The following GRB14 variants were observed in gnomAD, a reference collection of about 807,000 sequenced individuals.
GRB14 encodes growth factor receptor-bound protein 14.
GRB14 carries 38 observed loss-of-function variants against 69.1 expected under a neutral mutation model. The ratio of observed to expected loss-of-function variants is 0.55; its 90% CI spans 0.42 to 0.72. GRB14 has a LOEUF of 0.72. Ranked by LOEUF, GRB14 falls within the 30% of genes least tolerant of loss-of-function variation. GRB14 has a pLI of 0.00. For missense variants in GRB14, 666 were observed against 666.1 expected, an observed-to-expected ratio of 1.00 and a Z score of 0.00; for synonymous variants, 247 against 241.3, an observed-to-expected ratio of 1.02 and a Z score of -0.22.
chr2:164,565,320 G>C (rs1461806221), intron 2 of GRB14, among the ~76,000 whole-genome samples: 1 of 151,384 alleles, frequency 6.6e-6, no homozygotes. Flanking sequence ...GCTTACAATT[G>C]CTTTCTGAAT....
chr2:164,535,192 G>A (rs1688049285), intron 3 of GRB14, among the ~76,000 whole-genome samples: 1 of 151,720 alleles, frequency 6.6e-6, no homozygotes, highest in African/African-American at 2.4e-5. Context: ...GTTTCTAATA[G>A]GTCAGTGAGG....
intron 6 of GRB14, among the ~76,000 whole-genome samples, chr2:164,511,614 AGT>A (rs1687340174): frequency 6.6e-6 from 1 of 152,184 alleles, no homozygotes; most frequent in South Asian, 2.1e-4. Context: ...ATATCCAGGC[AGT>A]AATCCATGGG....
intron 2 of GRB14, among the ~76,000 whole-genome samples, chr2:164,595,852 C>A (rs1689767363): frequency 6.6e-6 from 1 of 151,934 alleles, no homozygotes. Context: ...GGGACCAGAC[C>A]CAGAGGCTCA....
chr2:164,569,467 T>A (rs1689072756), intron 2 of GRB14, among the ~76,000 whole-genome samples: 1 of 152,206 alleles, frequency 6.6e-6, no homozygotes, highest in African/African-American at 2.4e-5. Context: ...TGCTCAATGC[T>A]CTTCAATCCT....
intron 2 of GRB14, among the ~76,000 whole-genome samples, chr2:164,604,420 G>A (rs929266353): frequency 2.6e-5 from 4 of 151,952 alleles, no homozygotes; most frequent in South Asian, 2.1e-4. Context: ...AATGTCAAAC[G>A]AAAACAAGTT....
chr2:164,619,830 A>T lies in GRB14; in HGVS notation c.192-11T>A. On this transcript the variant is annotated splice_polypyrimidine_tract_variant and intron_variant, in intron 1 of 13. Coordinates refer to ENST00000263915, the MANE Select transcript of GRB14 (RefSeq NM_004490.3). ...TCTTTCTTTTTTCTCCTACAGTAAG[A>T]GAACATAGGATGTAATTTACATAAA... 1 of 1,593,980 alleles carries T rather than the reference A, an allele frequency of 6.3e-7. No homozygotes were observed. The highest frequency in any genetic ancestry group is 8.6e-7 in the Non-Finnish European group (1 of 1,168,560).
At chr2:164,513,164 C>T (rs1253468897) in intron 6 of GRB14, among the ~76,000 whole-genome samples, 1 of 152,042 alleles carries the variant, frequency 6.6e-6, no homozygotes, top group East Asian at 1.9e-4. Context: ...CCTTCAGTCT[C>T]TTTTTCTCTC....
chr2:164,529,722 C>T (rs2105291609), intron 3 of GRB14, among the ~76,000 whole-genome samples: 1 of 152,280 alleles, frequency 6.6e-6, no homozygotes, highest in South Asian at 2.1e-4. Context: ...CCTAACTAAT[C>T]TTCAAGCCTC....
intron 12 of GRB14, among the ~76,000 whole-genome samples, chr2:164,496,497 G>A (rs1686898666): frequency 6.6e-6 from 1 of 152,058 alleles, no homozygotes; most frequent in Non-Finnish European, 1.5e-5. Context: ...ATTACTTTAA[G>A]ATGTTAAAAT....
At chr2:164,614,676 G>A (rs1009859072) in intron 2 of GRB14, among the ~76,000 whole-genome samples, 1 of 152,174 alleles carries the variant, frequency 6.6e-6, no homozygotes, top group African/African-American at 2.4e-5. Flanking sequence ...GCAAAATCTT[G>A]ATAATTGCTG....
intron 2 of GRB14, among the ~76,000 whole-genome samples, chr2:164,579,356 G>A (rs1396975110): frequency 1.3e-5 from 2 of 152,148 alleles, no homozygotes; most frequent in Admixed American, 6.6e-5. Context: ...AGAAAGATGA[G>A]TAAAAACAAG....
intron 2 of GRB14, among the ~76,000 whole-genome samples, chr2:164,605,841 T>C (rs567484967): frequency 6.6e-6 from 1 of 152,152 alleles, no homozygotes; most frequent in Non-Finnish European, 1.5e-5. Context: ...TAGAAAGGAC[T>C]ATGGCTAAAG....
At chr2:164,551,285 A>C (rs1201891625) in intron 2 of GRB14, among the ~76,000 whole-genome samples, 2 of 152,164 alleles carry the variant, frequency 1.3e-5, no homozygotes, top group Admixed American at 1.3e-4. Flanking sequence ...ATGTTCACAT[A>C]ACCTTGGCAC....
rs191128976 is a variant in GRB14, at chr2:164,523,632, G to A, written c.678+1372C>T. The stretch of plus-strand genomic sequence containing the variant: ...AATTGACATGCAAAACAGGCAAGTA[G>A]GTTTTTTAGTTTGAGTGCTTTCCAA... On this transcript the variant is annotated intron_variant, in intron 5 of 13. Transcript: ENST00000263915. 2.6e-5 allele frequency among the ~76,000 whole-genome samples: 4 copies of A among 152,092 alleles called. No homozygotes were observed. The East Asian group carries it at 7.7e-4, about 29-fold the overall frequency.
intron 2 of GRB14, among the ~76,000 whole-genome samples, chr2:164,591,469 T>C (rs551705666): frequency 1.3e-5 from 2 of 152,302 alleles, no homozygotes; most frequent in Admixed American, 6.5e-5. Context: ...TTAATAGTAC[T>C]GTGTTCTTCA....
In GRB14 at chr2:164,497,267, C is replaced by A. The variant is rs150619313; in HGVS notation, c.1238G>T (p.Arg413Leu). The A allele has an allele frequency of 1.9e-6, 3 of 1,613,174 alleles. No individual in the cohort carries two copies. Among genetic ancestry groups the A allele is most frequent in the Non-Finnish European group, 2.5e-6 (3 of 1,179,634 alleles). Reference sequence around the variant, plus strand: ...AGTGGGGCTACCGTGAGTGCCCAGGCGTAAACATCCTTTTTTCTGAGCAAG... The same window carrying A: ...AGTGGGGCTACCGTGAGTGCCCAGGAGTAAACATCCTTTTTTCTGAGCAAG... ...GLAWRKKGCL[R>L]LGTHGSPTAS... The change falls in exon 11 of 14, where the codon CGC (arginine) becomes CTC (leucine). Residue 413 changes from arginine to leucine, a missense_variant. By Grantham distance (102) the Arg-to-Leu change is moderately radical. Transcript: ENST00000263915.
intron 2 of GRB14, among the ~76,000 whole-genome samples, chr2:164,581,225 C>T (rs1274537748): frequency 6.6e-6 from 1 of 152,122 alleles, no homozygotes; most frequent in Non-Finnish European, 1.5e-5. Flanking sequence ...TGAATAATTC[C>T]CCCGCCTTCA....
At chr2:164,591,411 G>A (rs1689660773) in intron 2 of GRB14, among the ~76,000 whole-genome samples, 1 of 152,152 alleles carries the variant, frequency 6.6e-6, no homozygotes, top group Non-Finnish European at 1.5e-5. Context: ...ATGTAGAGGT[G>A]CCTGTAATTA....
At chr2:164,548,436 C>T (rs1187520103) in intron 2 of GRB14, among the ~76,000 whole-genome samples, 2 of 152,010 alleles carry the variant, frequency 1.3e-5, no homozygotes, top group East Asian at 3.9e-4. Context: ...TGTATATATG[C>T]TCCAATATAC....
Sources: gnomAD v4.1 joint callset for allele counts (sites outside exome capture counted in the v4.1 genomes callset) on GRCh38, gnomAD v4.1.1 for gene constraint, MANE v1.5 for transcripts, NCBI Gene and HGNC (gene_info 2026-07-23, HGNC 2026-07-21) for gene names.